CNTN5: variants seen among roughly 807,000 people sequenced by gnomAD.
CNTN5 encodes the protein contactin 5.
A neutral mutation model predicts 129.1 loss-of-function variants in CNTN5; 77 were observed. The ratio of observed to expected loss-of-function variants is 0.60; its 90% confidence interval spans 0.50 to 0.72. CNTN5 has a LOEUF of 0.72. Ranked by LOEUF, CNTN5 falls within the 30% of genes least tolerant of loss-of-function variation. The probability of loss-of-function intolerance (pLI) is 0.00; values close to 1 mark genes in which losing one functional copy is unlikely to be tolerated. For synonymous variants in CNTN5, 509 were observed against 465.6 expected (o/e 1.09, Z -1.20); for missense variants, 1,478 against 1,328.8 (o/e 1.11, Z -1.75).
intron 2 of CNTN5, among the ~76,000 whole-genome samples, chr11:99,466,532 A>C (rs1040415032): frequency 1.6e-4 from 24 of 151,976 alleles, no homozygotes; most frequent in Admixed American, 1.5e-3. Context: ...AAGACTGCAA[A>C]GAGAGGCAAA....
At chr11:100,347,717 C>T (rs1952316148) in intron 23 of CNTN5, among the ~76,000 whole-genome samples, 1 of 151,520 alleles carries the variant, frequency 6.6e-6, no homozygotes, top group South Asian at 2.1e-4. Flanking sequence ...CATCTAACTT[C>T]CATTGTCTTA....
At chr11:100,021,187 T>C (rs1941121113) in intron 9 of CNTN5, among the ~76,000 whole-genome samples, 1 of 152,162 alleles carries the variant, frequency 6.6e-6, no homozygotes, top group Non-Finnish European at 1.5e-5. Context: ...AACACACTTT[T>C]TGTGATTTAA....
Position 99,886,147 on chromosome 11 carries a change from T to C in CNTN5, c.578-29907T>C, listed in dbSNP as rs187911238. Among the ~76,000 whole-genome samples, 1,032 of 152,168 alleles carry C rather than the reference T, an allele frequency of 6.8e-3. 10 individuals carry two copies. Among genetic ancestry groups the C allele is most frequent in the African/African-American group, 0.023 (968 of 41,560 alleles). On this transcript the variant is annotated intron_variant, in intron 6 of 24. Coordinates refer to ENST00000524871, the MANE Select transcript of CNTN5 (RefSeq NM_014361.4). ...TTTAGATAAAACATATAGAAATATC[T>C]TTATGATCTTGAACTAGGGAAAACT...
chr11:100,117,124 C>A (rs942262861), intron 13 of CNTN5, among the ~76,000 whole-genome samples: 2 of 151,962 alleles, frequency 1.3e-5, no homozygotes, highest in African/African-American at 4.8e-5. Context: ...TTCTTTTCTC[C>A]TGGCAAAAGG....
intron 3 of CNTN5, among the ~76,000 whole-genome samples, chr11:99,774,802 T>G (rs950112760): frequency 6.6e-6 from 1 of 152,050 alleles, no homozygotes; most frequent in Admixed American, 6.6e-5. Context: ...TGGCTACCCA[T>G]AATAAATCCG....
chr11:99,080,999 T>C (rs962756454), intron 1 of CNTN5, among the ~76,000 whole-genome samples: 1 of 150,774 alleles, frequency 6.6e-6, no homozygotes, highest in African/African-American at 2.4e-5. Context: ...TTTTTTTTTT[T>C]CAGAAGAACA....
At position 99,578,696 on chromosome 11, in the gene CNTN5, T is replaced by C. The variant is rs1949455221; in HGVS notation, c.55+22427T>C. Reference sequence around the variant, plus strand: ...GGGTTGTTTGTCTTTTTCTTGTAAATTTGTTTGAGTTCATTGTAGATTCTG... The same window carrying C: ...GGGTTGTTTGTCTTTTTCTTGTAAACTTGTTTGAGTTCATTGTAGATTCTG... On this transcript the variant is annotated intron_variant, in intron 3 of 24. Transcript: ENST00000524871. Among the ~76,000 whole-genome samples, 6 of 151,308 alleles carry C rather than the reference T, an allele frequency of 4.0e-5. No homozygotes were observed. The South Asian group carries it at 1.3e-3, about 32-fold the overall frequency.
At chr11:100,133,153 T>C (rs1486502517) in intron 13 of CNTN5, among the ~76,000 whole-genome samples, 2 of 152,182 alleles carry the variant, frequency 1.3e-5, no homozygotes, top group African/African-American at 2.4e-5. Flanking sequence ...CTGATGTTTA[T>C]ATGCAGTCAT....
At chr11:99,945,338 T>A (rs1950530008) in intron 7 of CNTN5, among the ~76,000 whole-genome samples, 1 of 152,028 alleles carries the variant, frequency 6.6e-6, no homozygotes, top group East Asian at 1.9e-4. Context: ...GAATAGAATA[T>A]GGGTGTATGA....
In CNTN5 at chr11:100,139,972, A is replaced by C. The variant is rs572793005; in HGVS notation, c.1581-51154A>C. On this transcript the variant is annotated intron_variant, in intron 13 of 24. Coordinates refer to ENST00000524871, the MANE Select transcript of CNTN5 (RefSeq NM_014361.4). ...TATAATCCCTGGTGCAATGCTCTCA[A>C]GTATGGAATGGCTGACAAATCCTAG... Among the ~76,000 whole-genome samples, 5 of 152,318 alleles carry C rather than the reference A, an allele frequency of 3.3e-5. No individual in the cohort carries two copies. In the South Asian group the frequency reaches 1.0e-3, roughly 32 times the overall value.
intron 6 of CNTN5, among the ~76,000 whole-genome samples, chr11:99,845,728 A>G (rs1407608602): frequency 3.9e-5 from 6 of 152,170 alleles, no homozygotes; most frequent in Admixed American, 3.9e-4. Context: ...AATAAACTTG[A>G]TAAACTAGCC....
intron 3 of CNTN5, among the ~76,000 whole-genome samples, chr11:99,795,546 A>T (rs1266014722): frequency 1.3e-5 from 2 of 149,546 alleles, no homozygotes; most frequent in Non-Finnish European, 3.0e-5. Context: ...TATCTATGTG[A>T]GCTAATGTTC....
At chr11:100,286,626 CAAAAG>C (rs1313861648) in intron 18 of CNTN5, among the ~76,000 whole-genome samples, 1 of 148,290 alleles carries the variant, frequency 6.7e-6, no homozygotes, top group Non-Finnish European at 1.5e-5. Context: ...CATCAAAGAC[CAAAAG>C]TAGATAAAAC....
intron 1 of CNTN5, among the ~76,000 whole-genome samples, chr11:99,226,797 GA>G (rs1210028270): frequency 6.6e-6 from 1 of 152,144 alleles, no homozygotes; most frequent in East Asian, 1.9e-4. Context: ...GTGCTCAATA[GA>G]TTTTTTTGTT....
chr11:99,712,147 T>G (rs530077806), intron 3 of CNTN5, among the ~76,000 whole-genome samples: 172 of 152,210 alleles, frequency 1.1e-3, no homozygotes, highest in African/African-American at 3.9e-3. Context: ...CATCTGTTGT[T>G]TCTTGACTTT....
chr11:99,706,386 TA>T (rs1203555112), intron 3 of CNTN5, among the ~76,000 whole-genome samples: 1 of 151,522 alleles, frequency 6.6e-6, no homozygotes, highest in Admixed American at 6.6e-5. Flanking sequence ...TAGGTGGGTT[TA>T]AGTCATTTAA....
At chr11:100,281,854 A>G (rs185171569) in intron 18 of CNTN5, among the ~76,000 whole-genome samples, 124 of 152,186 alleles carry the variant, frequency 8.1e-4, no homozygotes, top group Middle Eastern at 3.4e-3. Flanking sequence ...TGCTAGATCA[A>G]TTCTACTATT....
intron 6 of CNTN5, 63 bp from the exon 7 acceptor site, chr11:99,915,991 C>T: frequency 7.9e-7 from 1 of 1,273,436 alleles, no homozygotes; most frequent in Middle Eastern, 1.8e-4. Context: ...GTACAAGTTA[C>T]AATCATAGCA....
intron 13 of CNTN5, among the ~76,000 whole-genome samples, chr11:100,077,905 C>T (rs1024533128): frequency 6.6e-6 from 1 of 151,874 alleles, no homozygotes. Context: ...GCTTTCATAG[C>T]ATAAAATTAT....
Sources: allele counts gnomAD v4.1 joint callset (sites outside exome capture counted in the v4.1 genomes callset), GRCh38; gene constraint gnomAD v4.1.1; transcripts MANE v1.5; gene names NCBI Gene and HGNC (gene_info 2026-07-23, HGNC 2026-07-21).